The following RORB variants were observed in gnomAD, a reference collection of about 807,000 sequenced individuals.
RORB encodes the protein RAR related orphan receptor B.
RORB carries 6 observed loss-of-function variants against 59.1 expected under a neutral mutation model. That is an observed-to-expected ratio of 0.10 (90% CI 0.06 to 0.20). The LOEUF (loss-of-function observed/expected upper bound fraction) is 0.20, where lower values mean the gene tolerates loss of function less well. Among genes scored for constraint, RORB ranks in the 10% least tolerant of loss-of-function variants. RORB has a pLI of 1.00. For missense variants in RORB, 320 were observed against 560.5 expected, an observed-to-expected ratio of 0.57 and a Z score of 4.33; for synonymous variants, 215 against 204.5, an observed-to-expected ratio of 1.05 and a Z score of -0.44.
intron 1 of RORB, among the ~76,000 whole-genome samples, chr9:74,531,333 T>C (rs1279598793): frequency 1.3e-5 from 2 of 152,006 alleles, no homozygotes; most frequent in Non-Finnish European, 2.9e-5. Flanking sequence ...GGGTGCAAGA[T>C]GCCACCTTCA....
intron 4 of RORB, among the ~76,000 whole-genome samples, chr9:74,657,286 C>T (rs1299583040): frequency 6.6e-6 from 1 of 151,986 alleles, no homozygotes; most frequent in African/African-American, 2.4e-5. Context: ...GGGATGGTCT[C>T]GATCTCCTGA....
Position 74,637,412 on chromosome 9 carries a change from T to G in RORB, c.235+2640T>G, listed in dbSNP as rs1484586779. On this transcript the variant is annotated intron_variant, in intron 3 of 9. Transcript: ENST00000376896. ...TATCAGAAGCCATCAAATTTATCAA[T>G]AATGAATTTGTTCAAATTTAGCTTA... 2.0e-5 allele frequency among the ~76,000 whole-genome samples: 3 copies of G among 152,208 alleles called. No homozygotes were observed. In the South Asian group the frequency reaches 6.2e-4, roughly 31 times the overall value.
rs7863136 is a variant in RORB, at chr9:74,669,950, T to A, written c.1112-1839T>A. Among the ~76,000 whole-genome samples the A allele has an allele frequency of 4.5e-3, 683 of 152,368 alleles. 4 individuals are homozygous for A. The highest frequency in any genetic ancestry group is 0.015 in the African/African-American group (611 of 41,586). ...CTTGATGATCTTATCAGGATATTTT[T>A]AATTTGCTACTGTTTTTTATTTAAC... is the stretch of plus-strand genomic sequence containing the variant. On this transcript the variant is annotated intron_variant, in intron 8 of 9. Transcript: ENST00000376896.
At chr9:74,530,241 T>C (rs1826215711) in intron 1 of RORB, among the ~76,000 whole-genome samples, 1 of 152,048 alleles carries the variant, frequency 6.6e-6, no homozygotes, top group South Asian at 2.1e-4. Flanking sequence ...TTCATTTCTT[T>C]TGGTCGTTGA....
intron 1 of RORB, among the ~76,000 whole-genome samples, chr9:74,537,359 T>G (rs1826335873): frequency 6.6e-6 from 1 of 152,014 alleles, no homozygotes; most frequent in South Asian, 2.1e-4. Context: ...TTTCTAGTTC[T>G]TAAACTTTTT....
chr9:74,592,180 T>A (rs1027769977), intron 1 of RORB, among the ~76,000 whole-genome samples: 1 of 152,104 alleles, frequency 6.6e-6, no homozygotes, highest in Non-Finnish European at 1.5e-5. Flanking sequence ...AAATAAACAA[T>A]GGGAATGCAG....
rs765381203 is a variant in RORB at position 74,671,919 on chromosome 9, A to G, written c.1224+18A>G. On this transcript the variant is annotated intron_variant, in intron 9 of 9. Coordinates refer to ENST00000376896, the MANE Select transcript of RORB (RefSeq NM_006914.4). ...TGGCAAAGGTAGGTCCACAGATCAC[A>G]GAGCCACCACCACCAAAAGAGAGCA... The G allele has an allele frequency of 3.5e-6, 5 of 1,414,254 alleles. No individual in the cohort carries two copies. In the East Asian group the frequency reaches 1.2e-4, roughly 33 times the overall value. The allele number at this position is 1,414,254 out of a possible 1,614,324, so 87.6% of individuals were successfully genotyped here. A position where few individuals can be genotyped will look rare whatever the true frequency, so the allele number is the denominator to read the frequency against.
intron 1 of RORB, among the ~76,000 whole-genome samples, chr9:74,608,065 T>G (rs1262461257): frequency 6.6e-6 from 1 of 152,162 alleles, no homozygotes; most frequent in African/African-American, 2.4e-5. Flanking sequence ...GCTTATGGGC[T>G]GAAAGTTCCA....
chr9:74,688,992 G>A lies in RORB; in HGVS notation c.*3374G>A, dbSNP rs1824693619. The stretch of plus-strand genomic sequence containing the variant: ...TATTTGTGGTCCATAAAAAGAAAGG[G>A]AAATTTTGGAGGGAAAATAGGACAG... On this transcript the variant is annotated 3_prime_UTR_variant, in exon 10 of 10. Coordinates refer to ENST00000376896, the MANE Select transcript of RORB (RefSeq NM_006914.4). The A allele has an allele frequency of 6.6e-6, 1 of 152,182 alleles. No homozygotes were observed. The highest frequency in any genetic ancestry group is 2.1e-4 in the South Asian group (1 of 4,822). 9.4% of individuals were successfully genotyped at this position (152,182 alleles called of 1,614,324 possible). A position where few individuals can be genotyped will look rare whatever the true frequency, so the allele number is the denominator to read the frequency against.
intron 1 of RORB, among the ~76,000 whole-genome samples, chr9:74,615,311 G>C (rs1823294143): frequency 6.6e-6 from 1 of 152,142 alleles, no homozygotes. Flanking sequence ...TTGGGGGTGG[G>C]AACATCTTGA....
intron 1 of RORB, among the ~76,000 whole-genome samples, chr9:74,541,040 G>A (rs938159700): frequency 1.3e-5 from 2 of 151,968 alleles, no homozygotes; most frequent in African/African-American, 4.8e-5. Flanking sequence ...CAGCACTTTA[G>A]GAGGCCAAGG....
intron 9 of RORB, among the ~76,000 whole-genome samples, chr9:74,674,322 G>A (rs552253323): frequency 5.7e-4 from 87 of 152,170 alleles, no homozygotes; most frequent in African/African-American, 2.0e-3. Context: ...GACCCCTTGG[G>A]GACTCCAGTG....
intron 4 of RORB, among the ~76,000 whole-genome samples, chr9:74,658,004 C>CAAAAAAAAAAAAAAAAAA (rs60719147): frequency 3.7e-4 from 36 of 97,816 alleles, no homozygotes; most frequent in South Asian, 7.9e-4. Flanking sequence ...GACTCGGTCT[C>CAAAAAAAAAAAAAAAAAA]AAAAAAAAAA....
At chr9:74,543,252 A>C (rs1826437752) in intron 1 of RORB, among the ~76,000 whole-genome samples, 1 of 152,154 alleles carries the variant, frequency 6.6e-6, no homozygotes, top group Admixed American at 6.6e-5. Context: ...CCCTCAAGTG[A>C]GAATACTTGT....
Position 74,497,793 on chromosome 9 carries a change from A to C in RORB, c.-184A>C. 5 of 620,636 alleles carry C rather than the reference A, an allele frequency of 8.1e-6. No homozygotes were observed. The highest frequency in any genetic ancestry group is 1.4e-5 in the Non-Finnish European group (5 of 346,130). 38.4% of individuals were successfully genotyped at this position (620,636 alleles called of 1,614,324 possible). On this transcript the variant is annotated 5_prime_UTR_variant, in exon 1 of 10. Coordinates refer to ENST00000376896, the MANE Select transcript of RORB (RefSeq NM_006914.4). ...CACCACCAACATCAAAACTGTTAACATAGCGGCGGCGGCGGCAAACGTCAC... is the reference window on the plus strand; with the variant it reads ...CACCACCAACATCAAAACTGTTAACCTAGCGGCGGCGGCGGCAAACGTCAC...
intron 9 of RORB, among the ~76,000 whole-genome samples, chr9:74,674,809 T>G (rs1824409582): frequency 6.6e-6 from 1 of 152,208 alleles, no homozygotes; most frequent in African/African-American, 2.4e-5. Context: ...TCAGCATAAT[T>G]ATGATACATA....
chr9:74,546,404 A>G (rs749210182), intron 1 of RORB, among the ~76,000 whole-genome samples: 20 of 152,200 alleles, frequency 1.3e-4, no homozygotes, highest in Non-Finnish European at 2.6e-4. Flanking sequence ...AGGGGCAGAA[A>G]GAGGAAGAGG....
intron 7 of RORB, 102 bp downstream of exon 7, chr9:74,665,697 C>T: frequency 1.3e-6 from 1 of 754,218 alleles, no homozygotes; most frequent in Non-Finnish European, 2.3e-6. Flanking sequence ...TTGATGTGAA[C>T]CAGTATCTCA....
chr9:74,541,547 C>T (rs1826408299), intron 1 of RORB, among the ~76,000 whole-genome samples: 3 of 151,958 alleles, frequency 2.0e-5, no homozygotes, highest in Admixed American at 6.6e-5. Flanking sequence ...CTCTATTTAA[C>T]CTGTGATTAA....
Sources: allele counts gnomAD v4.1 joint callset (sites outside exome capture counted in the v4.1 genomes callset), GRCh38; gene constraint gnomAD v4.1.1; transcripts MANE v1.5; gene names NCBI Gene and HGNC (gene_info 2026-07-23, HGNC 2026-07-21).